Variants in CTU2 observed in about 807,000 individuals in gnomAD.
The protein encoded by CTU2 is cytosolic thiouridylase subunit 2.
CTU2 carries 80 observed loss-of-function variants against 64.1 expected under a neutral mutation model. That is an observed-to-expected ratio of 1.25 (90% CI 1.04 to 1.50). The LOEUF (loss-of-function observed/expected upper bound fraction) is 1.50. CTU2 is among the 40% of genes most tolerant of loss of function. The probability of loss-of-function intolerance (pLI) is 0.00; values close to 1 mark genes in which losing one functional copy is unlikely to be tolerated. For synonymous variants in CTU2, 482 were observed against 285.3 expected (o/e 1.69, Z -6.95); for missense variants, 1,110 against 690.2 (o/e 1.61, Z -6.81).
At chr16:88,713,522 C>T (rs1454583347) in intron 8 of CTU2, 75 bp downstream of exon 8, 6 of 1,510,352 alleles carry the variant, frequency 4.0e-6, no homozygotes, top group Non-Finnish European at 5.3e-6. Context: ...GGAGAGTAGC[C>T]TCTCGCGTAT....
chr16:88,706,801 C>A lies in CTU2; in HGVS notation c.68+203C>A, dbSNP rs532570999. ...CACTGGCTCGCGCCTCTCATCCTAG[C>A]AGCCACTGGGGACGGCTCTGCCGCT... On this transcript the variant is annotated intron_variant, in intron 1 of 14. Transcript: ENST00000453996. 5.8e-4 allele frequency: 303 copies of A among 525,860 alleles called. 6 individuals are homozygous for A. The highest frequency in any genetic ancestry group is 4.6e-3 in the South Asian group (165 of 35,664). 32.6% of individuals were successfully genotyped at this position (525,860 alleles called of 1,614,324 possible). A position where few individuals can be genotyped will look rare whatever the true frequency, so the allele number is the denominator to read the frequency against.
chr16:88,710,362 G>A, intron 4 of CTU2, 80 bp downstream of exon 4: 3 of 1,489,960 alleles, frequency 2.0e-6, no homozygotes, highest in Non-Finnish European at 2.8e-6. Context: ...CCTGCTGAGG[G>A]GCTCTTGGTT....
rs1299750644 is a variant in CTU2 at position 88,712,764 on chromosome 16, G to T, written c.596G>T (p.Gly199Val). ...GAGGGPGPTQ[G>V]EEQPPQPPLD... ...GGGGGTGGTCCTGGCCCGACTCAAG[G>T]GGAGGAACAGCCACCCCAGCCCCCG... Residue 199 changes from glycine to valine, a missense_variant, in exon 7 of 15, where the codon GGG becomes GTG. Transcript: ENST00000453996. 3 of 1,608,630 alleles carry T rather than the reference G, an allele frequency of 1.9e-6. 1 individual carries two copies. The South Asian group carries it at 3.3e-5, about 18-fold the overall frequency.
In CTU2 at chr16:88,714,907, G is replaced by C; in HGVS notation, c.1400G>C (p.Arg467Pro). 6.2e-7 allele frequency: 1 copy of C among 1,612,638 alleles called. No individual in the cohort carries two copies. The highest frequency in any genetic ancestry group is 1.1e-5 in the South Asian group (1 of 91,088). Reference sequence around the variant, plus strand: ...GAGGAGCAGCTGTGCTACAGCTGCCGCGTGAACATGAAGGACTTGGTGAGT... The same window carrying C: ...GAGGAGCAGCTGTGCTACAGCTGCCCCGTGAACATGAAGGACTTGGTGAGT... ...CIEEQLCYSC[R>P]VNMKDLPSLD... Residue 467 changes from arginine (R) to proline (P), a missense_variant, in exon 13 of 15, where the codon CGC becomes CCC. Physicochemically the swap from Arg to Pro is moderately radical, Grantham distance 103. Transcript: ENST00000453996.
intron 9 of CTU2, 54 bp from the exon 10 acceptor site, chr16:88,714,082 A>G: frequency 6.4e-7 from 1 of 1,557,146 alleles, no homozygotes; most frequent in Non-Finnish European, 8.8e-7. Context: ...ACTCTGCCCC[A>G]GCCTGGGGCT....
rs558390189 is a variant in CTU2, at chr16:88,715,132, G to A, written c.1478+26G>A. 47 of 1,604,836 alleles carry A rather than the reference G, an allele frequency of 2.9e-5. No homozygotes were observed. The African/African-American group carries it at 3.3e-4, about 11-fold the overall frequency. On this transcript the variant is annotated intron_variant, in intron 14 of 14. Transcript: ENST00000453996. ...GTACTGGGGCCCACACTGCCGTGGC[G>A]CGTGGGTAAGGGGCCTCGGGGCTGG...
In CTU2 at chr16:88,710,283, G is replaced by A. The variant is rs1409281473; in HGVS notation, c.282+1G>A. The A allele has an allele frequency of 1.2e-6, 2 of 1,613,848 alleles. No homozygotes were observed. The highest frequency in any genetic ancestry group is 1.7e-6 in the Non-Finnish European group (2 of 1,179,980). ...CTCCATGGTCTGGCAGGTTCTTGAG[G>A]TGCGTGTTCACCACCCCGTGGGCCC... On this transcript the variant is annotated splice_donor_variant, in intron 4 of 14. Transcript: ENST00000453996. LOFTEE classifies it high-confidence loss of function.
rs754944765 is a variant in CTU2 at position 88,712,918 on chromosome 16, G to C, written c.737+13G>C. ...TGCAGACCCTGCGGTGAGGCCCCGA[G>C]AGCCCCCCTTCCCCGGGCCCTGACC... On this transcript the variant is annotated intron_variant, in intron 7 of 14. Coordinates refer to ENST00000453996, the MANE Select transcript of CTU2 (RefSeq NM_001012759.3). 2.2e-5 allele frequency: 30 copies of C among 1,350,242 alleles called. No individual in the cohort carries two copies. The highest frequency in any genetic ancestry group is 2.7e-5 in the Non-Finnish European group (28 of 1,054,018). The allele number at this position is 1,350,242 out of a possible 1,614,324, so 83.6% of individuals were successfully genotyped here. A position where few individuals can be genotyped will look rare whatever the true frequency, so the allele number is the denominator to read the frequency against.
intron 4 of CTU2, among the ~76,000 whole-genome samples, 174 bp from the exon 5 acceptor site, chr16:88,711,461 A>C (rs577674407): frequency 9.8e-5 from 15 of 152,334 alleles, no homozygotes; most frequent in African/African-American, 2.9e-4. Context: ...GGCCTCGCCT[A>C]CTGGGCCTGC....
rs201389089 is a variant in CTU2, at chr16:88,715,195, C to G, written c.1492C>G (p.Gln498Glu). 4.7e-5 allele frequency: 76 copies of G among 1,612,386 alleles called. No homozygotes were observed. In the East Asian group the frequency reaches 1.6e-3, roughly 33 times the overall value. The change falls in exon 15 of 15, where the codon CAG (glutamine) becomes GAG (glutamate). Residue 498 changes from glutamine to glutamate, a missense_variant. Gln to Glu is a conservative substitution (Grantham distance 29). Coordinates refer to ENST00000453996, the MANE Select transcript of CTU2 (RefSeq NM_001012759.3). ...CTTTCTCTCTAGGGCCTGGGGCTTG[C>G]AGGAGATCCGGGACTGTCTGATTGA... ...QLRTQRAWGL[Q>E]EIRDCLIEDS... is the part of the protein sequence containing the mutation.
At chr16:88,714,315 C>T (rs534734692) in intron 10 of CTU2, 68 bp from the exon 11 acceptor site, 105 of 1,601,978 alleles carry the variant, frequency 6.6e-5, no homozygotes, top group South Asian at 3.6e-4. Context: ...CACTCGTGCT[C>T]AGGCCAGGGC....
intron 9 of CTU2, 96 bp downstream of exon 9, chr16:88,713,874 C>G (rs923849231): frequency 2.7e-6 from 4 of 1,488,676 alleles, no homozygotes; most frequent in African/African-American, 1.4e-5. Flanking sequence ...CACCAGCACA[C>G]CTTCAGTGAC....
In CTU2 at chr16:88,712,473, C is replaced by G. The variant is rs532212836; in HGVS notation, c.453+90C>G. On this transcript the variant is annotated intron_variant, in intron 6 of 14. Coordinates refer to ENST00000453996, the MANE Select transcript of CTU2 (RefSeq NM_001012759.3). ...CAGCCTCACTGGCCTCTCCCTCATC[C>G]CAGAAGGCGGGGCTGTCGGTGGGGG... is the stretch of plus-strand genomic sequence containing the variant. 3.3e-5 allele frequency: 48 copies of G among 1,454,876 alleles called. No individual in the cohort carries two copies. The African/African-American group carries it at 4.5e-4, about 14-fold the overall frequency. 90.1% of individuals were successfully genotyped at this position (1,454,876 alleles called of 1,614,324 possible).
Position 88,714,891 on chromosome 16 carries a change from C to T in CTU2, c.1384C>T (p.Leu462=), listed in dbSNP as rs755717100. The T allele has an allele frequency of 2.5e-6, 4 of 1,612,540 alleles. No homozygotes were observed. The African/African-American group carries it at 4.0e-5, about 16-fold the overall frequency. The change falls in exon 13 of 15, where the codon CTG becomes TTG. Residue 462 remains leucine (L), a synonymous_variant. Transcript: ENST00000453996. Reference sequence around the variant, plus strand: ...CCCCCAAGCCTGCATTGAGGAGCAGCTGTGCTACAGCTGCCGCGTGAACAT... The same window carrying T: ...CCCCCAAGCCTGCATTGAGGAGCAGTTGTGCTACAGCTGCCGCGTGAACAT... ...EDPQACIEEQ[L]CYSCRVNMKD...
At chr16:88,714,023 C>A in intron 9 of CTU2, 113 bp from the exon 10 acceptor site, 1 of 1,168,860 alleles carries the variant, frequency 8.6e-7, no homozygotes, top group Non-Finnish European at 1.3e-6. Flanking sequence ...GCAGCAAAGC[C>A]AGACCCATGT....
At chr16:88,706,737 C>T in intron 1 of CTU2, 139 bp downstream of exon 1, 4 of 622,736 alleles carry the variant, frequency 6.4e-6, no homozygotes, top group Non-Finnish European at 5.1e-6. Flanking sequence ...CGGGGAATGC[C>T]TGTCAAGCGG....
Position 88,713,664 on chromosome 16 carries a change from G to T in CTU2, c.891G>T (p.Arg297=). 15 of 1,612,490 alleles carry T rather than the reference G, an allele frequency of 9.3e-6. No individual in the cohort carries two copies. The highest frequency in any genetic ancestry group is 1.3e-5 in the Non-Finnish European group (15 of 1,179,824). The stretch of plus-strand genomic sequence containing the variant: ...TCCCGCAGGGCTTCTCGGATGAGCG[G>T]CACGGGGACGTGGTGGTGGTGCGGC... ...LAWDTGFSDE[R]HGDVVVVRPM... The change falls in exon 9 of 15, where the codon CGG becomes CGT. Residue 297 remains arginine (R), a synonymous_variant. Transcript: ENST00000453996.
At chr16:88,712,104 A>T in intron 5 of CTU2, 170 bp from the exon 6 acceptor site, 1 of 721,984 alleles carries the variant, frequency 1.4e-6, no homozygotes, top group East Asian at 2.7e-5. Context: ...GGTCAGCCGC[A>T]AGAGAGAAAC....
intron 5 of CTU2, 73 bp downstream of exon 5, chr16:88,711,768 G>C (rs772293296): frequency 1.9e-5 from 27 of 1,419,212 alleles, no homozygotes; most frequent in Non-Finnish European, 2.6e-5. Context: ...CTCTGGTGTG[G>C]ACCCTCCCTC....
Sources: gnomAD v4.1 joint callset for allele counts (sites outside exome capture counted in the v4.1 genomes callset) on GRCh38, gnomAD v4.1.1 for gene constraint, MANE v1.5 for transcripts, NCBI Gene and HGNC (gene_info 2026-07-23, HGNC 2026-07-21) for gene names.